The following PUS7 variants were observed in gnomAD, a reference collection of about 807,000 sequenced individuals.
PUS7 encodes the protein pseudouridylate synthase 7 homolog.
Under a neutral mutation model 79.8 loss-of-function variants are expected in PUS7, and 48 were observed. The ratio of observed to expected loss-of-function variants is 0.60; its 90% CI spans 0.48 to 0.76. The LOEUF (loss-of-function observed/expected upper bound fraction) is 0.76. Among genes scored for constraint, PUS7 ranks in the 30% least tolerant of loss-of-function variants. PUS7 has a pLI of 0.00. For missense variants in PUS7, 729 were observed against 797.6 expected, an observed-to-expected ratio of 0.91 and a Z score of 1.04; for synonymous variants, 286 against 272.2, an observed-to-expected ratio of 1.05 and a Z score of -0.50.
chr7:105,512,525 CAGGAGA>C (rs1430587001), intron 1 of PUS7, among the ~76,000 whole-genome samples: 1 of 152,172 alleles, frequency 6.6e-6, no homozygotes. Flanking sequence ...GAAGGAAAAG[CAGGAGA>C]AGGTCATTTG....
At chr7:105,486,313 A>G (rs546886032) in intron 7 of PUS7, among the ~76,000 whole-genome samples, 7 of 152,218 alleles carry the variant, frequency 4.6e-5, no homozygotes, top group Admixed American at 4.6e-4. Flanking sequence ...TTAGCCTCCC[A>G]AAGTGCTGGG....
At chr7:105,466,366 T>A (rs1243580121) in intron 12 of PUS7, among the ~76,000 whole-genome samples, 1 of 152,004 alleles carries the variant, frequency 6.6e-6, no homozygotes, top group Non-Finnish European at 1.5e-5. Flanking sequence ...CAAGTGATCC[T>A]CCTGCCTCAC....
intron 12 of PUS7, among the ~76,000 whole-genome samples, chr7:105,467,918 T>C (rs961049996): frequency 2.6e-5 from 4 of 151,802 alleles, no homozygotes; most frequent in African/African-American, 9.7e-5. Context: ...GGTCCCTTCA[T>C]CTCAAACTTA....
In PUS7 at chr7:105,491,622, TA is replaced by T; in HGVS notation, c.843-6del. 1 of 1,538,044 alleles carries T rather than the reference TA, an allele frequency of 6.5e-7. No homozygotes were observed. Among genetic ancestry groups the T allele is most frequent in the Non-Finnish European group, 9.0e-7 (1 of 1,112,228 alleles). ...GAGAATATATTTGGCTTGACTCTGG[TA>T]AGAGAGAAACAAGATCATCTGAAGT... On this transcript the variant is annotated splice_region_variant and splice_polypyrimidine_tract_variant and intron_variant, in intron 6 of 15. Coordinates refer to ENST00000469408, the MANE Select transcript of PUS7 (RefSeq NM_019042.5).
intron 7 of PUS7, among the ~76,000 whole-genome samples, chr7:105,485,161 T>A (rs923298074): frequency 6.6e-6 from 1 of 150,706 alleles, no homozygotes; most frequent in African/African-American, 2.4e-5. Flanking sequence ...GGTCAGAGAT[T>A]CTTTTTTTTT....
At chr7:105,480,546 G>A (rs776877851) in intron 9 of PUS7, among the ~76,000 whole-genome samples, 2 of 152,182 alleles carry the variant, frequency 1.3e-5, no homozygotes, top group African/African-American at 4.8e-5. Flanking sequence ...GGAGGCTGAG[G>A]TCGGGGGATC....
chr7:105,470,760 C>T lies in PUS7; in HGVS notation c.1326G>A (p.Arg442=). 1 of 1,612,836 alleles carries T rather than the reference C, an allele frequency of 6.2e-7. No homozygotes were observed. The highest frequency in any genetic ancestry group is 8.5e-7 in the Non-Finnish European group (1 of 1,178,950). The change falls in exon 11 of 16, where the codon AGG becomes AGA. Residue 442 remains arginine (R), a synonymous_variant. Coordinates refer to ENST00000469408, the MANE Select transcript of PUS7 (RefSeq NM_019042.5). ...CTCGAAGCAGCTGCCCTTCCACACA[C>T]CTTTTGACAGGTAGTTTTCTGAGGG... ...TAALRKLPVK[R]CVEGQLLRGL...
At chr7:105,477,741 C>A (rs576373338) in intron 9 of PUS7, among the ~76,000 whole-genome samples, 70 of 152,200 alleles carry the variant, frequency 4.6e-4, no homozygotes, top group African/African-American at 1.7e-3. Flanking sequence ...TAGTCACTCC[C>A]CATTGGTCCT....
At chr7:105,500,042 G>A (rs979131294) in intron 5 of PUS7, among the ~76,000 whole-genome samples, 1 of 152,104 alleles carries the variant, frequency 6.6e-6, no homozygotes, top group Non-Finnish European at 1.5e-5. Context: ...TCTGTGCCAG[G>A]GGTGGCCTTC....
intron 1 of PUS7, among the ~76,000 whole-genome samples, chr7:105,508,826 A>C (rs2462610): frequency 0.32 from 44,987 of 138,840 alleles, 8,381 homozygotes; most frequent in African/African-American, 0.51. Context: ...GAGTTAAGAT[A>C]GTGCCACTGC....
At chr7:105,517,781 T>C (rs1569134) in intron 1 of PUS7, among the ~76,000 whole-genome samples, 20,879 of 150,828 alleles carry the variant, frequency 0.14, 1,864 homozygotes, top group South Asian at 0.26. Flanking sequence ...TGCAGGCAGG[T>C]AGATGGCTTG....
intron 1 of PUS7, among the ~76,000 whole-genome samples, chr7:105,515,912 C>T (rs570891778): frequency 4.3e-4 from 65 of 152,014 alleles, no homozygotes; most frequent in African/African-American, 1.4e-3. Context: ...TGGGTTCAAA[C>T]GATTCTCCTG....
chr7:105,471,164 G>C (rs1041680731), intron 10 of PUS7, among the ~76,000 whole-genome samples: 1 of 152,124 alleles, frequency 6.6e-6, no homozygotes, highest in African/African-American at 2.4e-5. Flanking sequence ...GTAATGTCAA[G>C]TTTAACGGGT....
At chr7:105,490,953 A>C in intron 7 of PUS7, among the ~76,000 whole-genome samples, 1 of 152,250 alleles carries the variant, frequency 6.6e-6, no homozygotes, top group East Asian at 1.9e-4. Context: ...CGCACAGGAC[A>C]GTCCCTACAA....
At position 105,462,882 on chromosome 7, in the gene PUS7, T is replaced by A; in HGVS notation, c.1628-132A>T. 5.9e-6 allele frequency: 5 copies of A among 841,622 alleles called. No homozygotes were observed. In the South Asian group the frequency reaches 9.0e-5, roughly 15 times the overall value. 52.1% of individuals were successfully genotyped at this position (841,622 alleles called of 1,614,324 possible). On this transcript the variant is annotated intron_variant, in intron 13 of 15. Coordinates refer to ENST00000469408, the MANE Select transcript of PUS7 (RefSeq NM_019042.5). ...TAAAATTAGTCACCTTAATTTATAA[T>A]CCAAAATCTGTTCCCTGGAATCAAA... is the stretch of plus-strand genomic sequence containing the variant.
In PUS7 at chr7:105,480,226, C is replaced by G. The variant is rs184173395; in HGVS notation, c.1175+826G>C. The stretch of plus-strand genomic sequence containing the variant: ...GTGGCTCACACTTGTAATCCCAACA[C>G]TTTGGGAGGCTGAGGTAGGCGGATC... On this transcript the variant is annotated intron_variant, in intron 9 of 15. Transcript: ENST00000469408. Among the ~76,000 whole-genome samples, 334 of 152,092 alleles carry G rather than the reference C, an allele frequency of 2.2e-3. 1 individual carries two copies. Among genetic ancestry groups the G allele is most frequent in the African/African-American group, 7.7e-3 (319 of 41,474 alleles).
In PUS7 at chr7:105,508,290, C is replaced by G; in HGVS notation, c.223G>C (p.Glu75Gln). The change falls in exon 2 of 16, where the codon GAG (glutamate) becomes CAG (glutamine). Residue 75 changes from glutamate to glutamine, a missense_variant. Physicochemically the swap from Glu to Gln is conservative, Grantham distance 29. Coordinates refer to ENST00000469408, the MANE Select transcript of PUS7 (RefSeq NM_019042.5). ...VSTGKGGKNS[E>Q]AQLEDEEEEE... ...TCTTCCTCATCTTCCAACTGAGCCT[C>G]AGAATTCTTTCCACCTTTCCCAGTA... 1.1e-5 allele frequency: 18 copies of G among 1,614,158 alleles called. No homozygotes were observed. The highest frequency in any genetic ancestry group is 1.5e-5 in the Non-Finnish European group (18 of 1,180,026).
Position 105,457,268 on chromosome 7 carries a change from G to A in PUS7, c.*522C>T, listed in dbSNP as rs1238919035. The A allele has an allele frequency of 7.2e-5, 11 of 152,156 alleles. No individual in the cohort carries two copies. Among genetic ancestry groups the A allele is most frequent in the African/African-American group, 2.7e-4 (11 of 41,412 alleles). The allele number at this position is 152,156 out of a possible 1,614,324, so 9.4% of individuals were successfully genotyped here. ...CTTGCCTGAATCTAGTACATAAGCAGGATAATGACAATCACTTTTTGTTTA... is the reference window on the plus strand; with the variant it reads ...CTTGCCTGAATCTAGTACATAAGCAAGATAATGACAATCACTTTTTGTTTA... On this transcript the variant is annotated 3_prime_UTR_variant, in exon 16 of 16. Transcript: ENST00000469408.
At chr7:105,490,229 T>A (rs1824727361) in intron 7 of PUS7, among the ~76,000 whole-genome samples, 1 of 152,176 alleles carries the variant, frequency 6.6e-6, no homozygotes, top group Admixed American at 6.5e-5. Flanking sequence ...TGTACACATT[T>A]AAAATGTACA....
Sources: allele counts gnomAD v4.1 joint callset (sites outside exome capture counted in the v4.1 genomes callset), GRCh38; gene constraint gnomAD v4.1.1; transcripts MANE v1.5; gene names NCBI Gene and HGNC (gene_info 2026-07-23, HGNC 2026-07-21).